Variants in REEP3 observed in about 807,000 individuals in gnomAD.
REEP3 encodes the protein receptor expression-enhancing protein 3.
Under a neutral mutation model 41.3 loss-of-function variants are expected in REEP3, and 20 were observed. The observed-to-expected ratio is 0.48, with a 90% CI of 0.34 to 0.70. The LOEUF (loss-of-function observed/expected upper bound fraction) is 0.70, where lower values mean the gene tolerates loss of function less well. Among genes scored for constraint, REEP3 ranks in the 30% least tolerant of loss-of-function variants. The pLI, the probability that REEP3 is intolerant of heterozygous loss-of-function variation, is 0.01. For synonymous variants in REEP3, 104 were observed against 101.8 expected (o/e 1.02, Z -0.13); for missense variants, 271 against 308.8 (o/e 0.88, Z 0.92).
chr10:63,550,995 C>A (rs1160041393), intron 1 of REEP3, among the ~76,000 whole-genome samples: 4 of 152,088 alleles, frequency 2.6e-5, no homozygotes, highest in African/African-American at 9.7e-5. Flanking sequence ...ACATATAAAA[C>A]AGACAATTAA....
chr10:63,556,659 G>A (rs1447046058), intron 1 of REEP3, among the ~76,000 whole-genome samples: 5 of 114,906 alleles, frequency 4.4e-5, no homozygotes, highest in African/African-American at 6.9e-5. Context: ...TTTTTGAGAC[G>A]GAGTCTCGCT....
Position 63,593,040 on chromosome 10 carries a change from G to A in REEP3, c.106-1738G>A, listed in dbSNP as rs553570933. ...AGAAACAGGTAGGGAGGGGCCGGGC[G>A]CGGTGGCTCACGCCTGTAATCCCAG... On this transcript the variant is annotated intron_variant, in intron 2 of 7. Transcript: ENST00000373758. Among the ~76,000 whole-genome samples the A allele has an allele frequency of 4.7e-4, 72 of 152,126 alleles. No individual in the cohort carries two copies. In the South Asian group the frequency reaches 7.1e-3, roughly 15 times the overall value.
intron 1 of REEP3, among the ~76,000 whole-genome samples, chr10:63,541,448 A>G (rs1264863831): frequency 1.3e-5 from 2 of 152,218 alleles, no homozygotes; most frequent in Non-Finnish European, 2.9e-5. Context: ...AAATAATCAG[A>G]TGAAAATGAG....
At chr10:63,604,814 G>A (rs1368287333) in intron 5 of REEP3, among the ~76,000 whole-genome samples, 2 of 152,146 alleles carry the variant, frequency 1.3e-5, no homozygotes, top group Admixed American at 1.3e-4. Flanking sequence ...TTAGCCACGA[G>A]ATTTTGGGCA....
intron 2 of REEP3, among the ~76,000 whole-genome samples, chr10:63,582,064 A>C (rs952238465): frequency 6.6e-6 from 1 of 152,232 alleles, no homozygotes. Context: ...TGATATTGTC[A>C]GAACATGCAC....
At chr10:63,587,845 T>C (rs1564485667) in intron 2 of REEP3, among the ~76,000 whole-genome samples, 2 of 152,202 alleles carry the variant, frequency 1.3e-5, no homozygotes, top group Non-Finnish European at 2.9e-5. Context: ...TCAGCCATTT[T>C]CTAGCCACAC....
intron 6 of REEP3, among the ~76,000 whole-genome samples, chr10:63,617,964 A>G (rs1956324637): frequency 6.6e-6 from 1 of 151,436 alleles, no homozygotes; most frequent in Admixed American, 6.6e-5. Flanking sequence ...AGCTGGGATT[A>G]CAGACTCCTG....
intron 2 of REEP3, among the ~76,000 whole-genome samples, chr10:63,574,373 A>G (rs1955879190): frequency 1.3e-5 from 2 of 152,186 alleles, no homozygotes; most frequent in Admixed American, 1.3e-4. Context: ...AAAGTGCACA[A>G]TGTCTGGAAA....
intron 2 of REEP3, among the ~76,000 whole-genome samples, chr10:63,587,088 C>T (rs1956015028): frequency 6.6e-6 from 1 of 151,606 alleles, no homozygotes; most frequent in Non-Finnish European, 1.5e-5. Flanking sequence ...ATTTCTTGGC[C>T]TATTGAAAGT....
intron 2 of REEP3, among the ~76,000 whole-genome samples, chr10:63,589,810 TTG>T (rs1554807213): frequency 3.8e-5 from 5 of 131,718 alleles, no homozygotes; most frequent in South Asian, 2.3e-4. Flanking sequence ...TTTTTTTTTT[TTG>T]GAAACGGAGT....
intron 2 of REEP3, 46 bp from the exon 3 acceptor site, chr10:63,594,732 A>AAAT (rs1346883757): frequency 1.7e-6 from 2 of 1,202,680 alleles, no homozygotes; most frequent in South Asian, 2.4e-5. Context: ...TCAGAGTTGC[A>AAAT]AATAATTTTC....
chr10:63,607,136 T>A (rs2393989), intron 5 of REEP3, among the ~76,000 whole-genome samples: 90,464 of 152,094 alleles, frequency 0.59, 27,231 homozygotes, highest in African/African-American at 0.66. Flanking sequence ...GTAATTTACG[T>A]AATGTTTTCA....
chr10:63,579,041 T>TGGG (rs34124994), intron 2 of REEP3, among the ~76,000 whole-genome samples: 3 of 136,936 alleles, frequency 2.2e-5, no homozygotes, highest in Non-Finnish European at 4.7e-5. Flanking sequence ...TGTTTTTTTT[T>TGGG]GGGGGGGGGG....
chr10:63,606,352 C>CTCTT (rs1554808505), intron 5 of REEP3, among the ~76,000 whole-genome samples: 1 of 22,808 alleles, frequency 4.4e-5, no homozygotes, highest in Non-Finnish European at 1.3e-4. Context: ...TTCTCTCTCT[C>CTCTT]TCTTTCTTTC....
At chr10:63,581,967 C>T (rs1229064943) in intron 2 of REEP3, among the ~76,000 whole-genome samples, 1 of 151,136 alleles carries the variant, frequency 6.6e-6, no homozygotes, top group African/African-American at 2.4e-5. Context: ...TTACACTGAA[C>T]AGATTATCTC....
At chr10:63,590,075 G>A (rs779359487) in intron 2 of REEP3, among the ~76,000 whole-genome samples, 12 of 152,068 alleles carry the variant, frequency 7.9e-5, no homozygotes, top group Non-Finnish European at 1.6e-4. Context: ...GATTACAGGC[G>A]TGAGCCACCG....
At position 63,583,847 on chromosome 10, in the gene REEP3, C is replaced by T. The variant is rs188589017; in HGVS notation, c.106-10931C>T. ...ATATAAAAAGTGAAGTATGAATTCT[C>T]AGCCAGTGTTGATGGAGAGAGTTAT... On this transcript the variant is annotated intron_variant, in intron 2 of 7. Transcript: ENST00000373758. Among the ~76,000 whole-genome samples the T allele has an allele frequency of 1.4e-4, 22 of 152,318 alleles. No homozygotes were observed. In the East Asian group the frequency reaches 3.9e-3, roughly 27 times the overall value.
intron 1 of REEP3, among the ~76,000 whole-genome samples, chr10:63,526,615 T>C (rs1006820855): frequency 5.3e-5 from 8 of 152,092 alleles, no homozygotes; most frequent in Non-Finnish European, 1.2e-4. Flanking sequence ...AAATATAACA[T>C]ATCTCATTGT....
chr10:63,597,930 G>A, intron 3 of REEP3, 94 bp from the exon 4 acceptor site: 4 of 1,054,802 alleles, frequency 3.8e-6, no homozygotes, highest in South Asian at 1.7e-5. Flanking sequence ...ACAAAAAACA[G>A]CATAGTGACT....
Sources: gnomAD v4.1 joint callset for allele counts (sites outside exome capture counted in the v4.1 genomes callset) on GRCh38, gnomAD v4.1.1 for gene constraint, MANE v1.5 for transcripts, NCBI Gene and HGNC (gene_info 2026-07-23, HGNC 2026-07-21) for gene names.